The following RSPO2 variants were observed in gnomAD, a reference collection of about 807,000 sequenced individuals.
The protein encoded by RSPO2 is R-spondin 2.
RSPO2 carries 14 observed loss-of-function variants against 30.9 expected under a neutral mutation model. The ratio of observed to expected loss-of-function variants is 0.45; its 90% CI spans 0.30 to 0.71. The LOEUF (loss-of-function observed/expected upper bound fraction) is 0.71, where lower values mean the gene tolerates loss of function less well. RSPO2 is among the 30% of genes least tolerant of loss of function. The pLI, the probability that RSPO2 is intolerant of heterozygous loss-of-function variation, is 0.08. For synonymous variants in RSPO2, 107 were observed against 96.4 expected, an observed-to-expected ratio of 1.11 and a Z score of -0.64; for missense variants, 264 against 301.9, an observed-to-expected ratio of 0.87 and a Z score of 0.93.
chr8:107,909,410 A>G (rs1811752647), intron 5 of RSPO2, among the ~76,000 whole-genome samples: 1 of 151,766 alleles, frequency 6.6e-6, no homozygotes, highest in East Asian at 1.9e-4. Flanking sequence ...TTACAGGCAC[A>G]TGCCACCATG....
chr8:107,961,628 T>C lies in RSPO2; in HGVS notation c.284-811A>G, dbSNP rs116967010. 2.5e-4 allele frequency among the ~76,000 whole-genome samples: 38 copies of C among 152,300 alleles called. No individual in the cohort carries two copies. The East Asian group carries it at 6.8e-3, about 27-fold the overall frequency. On this transcript the variant is annotated intron_variant, in intron 3 of 5. Coordinates refer to ENST00000276659, the MANE Select transcript of RSPO2 (RefSeq NM_178565.5). ...ACATCTGGGTGTGAATACCAAGCTCTGCCCTTACCAGCTCTGTAACTTTAG... is the reference window on the plus strand; with the variant it reads ...ACATCTGGGTGTGAATACCAAGCTCCGCCCTTACCAGCTCTGTAACTTTAG...
At chr8:107,936,396 G>C (rs1019368388) in intron 5 of RSPO2, among the ~76,000 whole-genome samples, 6 of 152,070 alleles carry the variant, frequency 3.9e-5, no homozygotes, top group African/African-American at 1.4e-4. Flanking sequence ...ATTGTGAATA[G>C]TGCTGCAATA....
At chr8:108,031,216 C>T (rs925052921) in intron 2 of RSPO2, among the ~76,000 whole-genome samples, 1 of 152,156 alleles carries the variant, frequency 6.6e-6, no homozygotes, top group African/African-American at 2.4e-5. Flanking sequence ...GATTAATCTT[C>T]CTTCAAATAG....
At chr8:107,944,722 C>T (rs146496061) in intron 5 of RSPO2, among the ~76,000 whole-genome samples, 1 of 152,278 alleles carries the variant, frequency 6.6e-6, no homozygotes, top group Non-Finnish European at 1.5e-5. Context: ...ATGGGGAATT[C>T]ACTCTTTCAC....
intron 2 of RSPO2, among the ~76,000 whole-genome samples, chr8:108,035,180 C>T (rs1228485596): frequency 1.3e-5 from 2 of 152,170 alleles, no homozygotes; most frequent in Non-Finnish European, 2.9e-5. Context: ...CTTTAGAATG[C>T]TTTTCTGAAT....
rs139234224 is a variant in RSPO2, at chr8:107,946,866, T to A, written c.616+11214A>T. On this transcript the variant is annotated intron_variant, in intron 5 of 5. Transcript: ENST00000276659. ...TTTCCCGATTCTGTTTTTTCCAACA[T>A]ACAAAGACATCCACCATCACTGAAG... 7.4e-4 allele frequency among the ~76,000 whole-genome samples: 113 copies of A among 152,310 alleles called. 1 individual carries two copies. In the East Asian group the frequency reaches 0.02, roughly 27 times the overall value.
intron 5 of RSPO2, among the ~76,000 whole-genome samples, chr8:107,902,983 A>G (rs1382051444): frequency 3.3e-5 from 5 of 152,238 alleles, no homozygotes; most frequent in East Asian, 3.9e-4. Flanking sequence ...GCCATCATTA[A>G]TCAAAGCAGC....
chr8:108,035,493 C>T (rs527529260), intron 2 of RSPO2, among the ~76,000 whole-genome samples: 10 of 152,070 alleles, frequency 6.6e-5, no homozygotes, highest in African/African-American at 1.4e-4. Context: ...TGTTTTGAGA[C>T]GGAGTCTCGC....
chr8:108,074,162 G>A lies in RSPO2; in HGVS notation c.94+8383C>T, dbSNP rs148690625. Among the ~76,000 whole-genome samples the A allele has an allele frequency of 6.2e-3, 942 of 152,262 alleles. 4 individuals carry two copies. The highest frequency in any genetic ancestry group is 0.01 in the Non-Finnish European group (683 of 68,016). Reference sequence around the variant, plus strand: ...CTTCTGAAAACAAATGTGCTAAACTGGGTAACTTCTATTTTATAAGTGCTC... The same window carrying A: ...CTTCTGAAAACAAATGTGCTAAACTAGGTAACTTCTATTTTATAAGTGCTC... On this transcript the variant is annotated intron_variant, in intron 2 of 5. Coordinates refer to ENST00000276659, the MANE Select transcript of RSPO2 (RefSeq NM_178565.5).
intron 5 of RSPO2, among the ~76,000 whole-genome samples, chr8:107,952,474 C>G (rs1813286321): frequency 6.6e-6 from 1 of 152,112 alleles, no homozygotes; most frequent in Non-Finnish European, 1.5e-5. Context: ...TTTAGATGCT[C>G]TCTTCTTCAC....
At chr8:107,991,085 A>G (rs1814829179) in intron 2 of RSPO2, among the ~76,000 whole-genome samples, 1 of 152,112 alleles carries the variant, frequency 6.6e-6, no homozygotes, top group African/African-American at 2.4e-5. Context: ...AAATAAATAA[A>G]CAAAACACAA....
chr8:108,025,672 C>G (rs982620586), intron 2 of RSPO2, among the ~76,000 whole-genome samples: 2 of 151,984 alleles, frequency 1.3e-5, no homozygotes, highest in Non-Finnish European at 2.9e-5. Flanking sequence ...ACTATGGATG[C>G]ACCCCACCAC....
At chr8:107,947,416 C>T (rs1813099471) in intron 5 of RSPO2, among the ~76,000 whole-genome samples, 1 of 151,916 alleles carries the variant, frequency 6.6e-6, no homozygotes, top group Admixed American at 6.6e-5. Flanking sequence ...GCAAATTGTG[C>T]CTAGATTTCA....
At chr8:108,060,592 CA>C (rs1235401225) in intron 2 of RSPO2, among the ~76,000 whole-genome samples, 2 of 151,778 alleles carry the variant, frequency 1.3e-5, no homozygotes, top group African/African-American at 2.4e-5. Flanking sequence ...AGAATGGAAC[CA>C]AGTTGGAAAA....
intron 2 of RSPO2, among the ~76,000 whole-genome samples, chr8:108,066,967 A>T (rs1812693254): frequency 6.6e-6 from 1 of 152,358 alleles, no homozygotes; most frequent in Admixed American, 6.5e-5. Context: ...CAGCCAAAAA[A>T]GTTGAACCTG....
intron 2 of RSPO2, among the ~76,000 whole-genome samples, chr8:108,041,073 A>C (rs1033997845): frequency 6.6e-6 from 1 of 152,102 alleles, no homozygotes; most frequent in African/African-American, 2.4e-5. Context: ...TTCCAGCATC[A>C]AAGGAAAATG....
intron 2 of RSPO2, among the ~76,000 whole-genome samples, chr8:108,029,750 A>C (rs1169097638): frequency 6.6e-6 from 1 of 152,240 alleles, no homozygotes; most frequent in East Asian, 1.9e-4. Context: ...TTACATATTT[A>C]ATATTCCTTA....
At chr8:107,967,339 G>T (rs1036834204) in intron 3 of RSPO2, among the ~76,000 whole-genome samples, 2 of 152,032 alleles carry the variant, frequency 1.3e-5, no homozygotes, top group African/African-American at 2.4e-5. Flanking sequence ...CTCAAAACTT[G>T]CAATGGGGTT....
chr8:107,915,793 A>G (rs654353), intron 5 of RSPO2, among the ~76,000 whole-genome samples: 102,394 of 152,050 alleles, frequency 0.67, 36,248 homozygotes, highest in East Asian at 0.92. Context: ...GTATTTTGCT[A>G]GGATGAAAAA....
Sources: allele counts gnomAD v4.1 joint callset (sites outside exome capture counted in the v4.1 genomes callset), GRCh38; gene constraint gnomAD v4.1.1; transcripts MANE v1.5; gene names NCBI Gene and HGNC (gene_info 2026-07-23, HGNC 2026-07-21).